Variants in ZMYM2 observed in about 807,000 individuals in gnomAD.
ZMYM2 encodes the protein zinc finger MYM-type containing 2.
ZMYM2 carries 56 observed loss-of-function variants against 162.8 expected under a neutral mutation model. The observed-to-expected ratio is 0.34, with a 90% confidence interval of 0.28 to 0.43. The LOEUF (loss-of-function observed/expected upper bound fraction) is 0.43, where lower values mean the gene tolerates loss of function less well. Ranked by LOEUF, ZMYM2 falls within the 20% of genes least tolerant of loss-of-function variation. The probability of loss-of-function intolerance (pLI) is 1.00; values close to 1 mark genes in which losing one functional copy is unlikely to be tolerated. For synonymous variants in ZMYM2, 510 were observed against 541.6 expected, an observed-to-expected ratio of 0.94 and a Z score of 0.81; for missense variants, 1,275 against 1,621.8, an observed-to-expected ratio of 0.79 and a Z score of 3.67.
rs1950654029 is a variant in ZMYM2, at chr13:20,005,249, T to C, written c.1299+10T>C. On this transcript the variant is annotated intron_variant, in intron 5 of 24. Coordinates refer to ENST00000610343, the MANE Select transcript of ZMYM2 (RefSeq NM_197968.4). ...TGGTAAACTAACTGAGGTTTGTATTTTTTTTCTTTATCATTTAATTCTAAC... is the reference window on the plus strand; with the variant it reads ...TGGTAAACTAACTGAGGTTTGTATTCTTTTTCTTTATCATTTAATTCTAAC... 1.3e-6 allele frequency: 2 copies of C among 1,508,150 alleles called. No individual in the cohort carries two copies. Among genetic ancestry groups the C allele is most frequent in the African/African-American group, 2.9e-5 (2 of 69,202 alleles). 93.4% of individuals were successfully genotyped at this position (1,508,150 alleles called of 1,614,324 possible). A position where few individuals can be genotyped will look rare whatever the true frequency, so the allele number is the denominator to read the frequency against.
At chr13:19,994,938 TCCTTC>T (rs1949907082) in intron 3 of ZMYM2, among the ~76,000 whole-genome samples, 1 of 151,466 alleles carries the variant, frequency 6.6e-6, no homozygotes, top group Non-Finnish European at 1.5e-5. Flanking sequence ...GCTCAGGTGA[TCCTTC>T]CATCGCAGCC....
In ZMYM2 at chr13:20,034,241, A is replaced by G; in HGVS notation, c.1969-13A>G. ...TCGTCATATACTTACCAAGGTTCCC[A>G]TTGTGCATTTAGAACAAAGTGCATC... On this transcript the variant is annotated splice_polypyrimidine_tract_variant and intron_variant, in intron 10 of 24. Transcript: ENST00000610343. The G allele has an allele frequency of 1.3e-6, 2 of 1,569,392 alleles. No homozygotes were observed. Among genetic ancestry groups the G allele is most frequent in the South Asian group, 2.4e-5 (2 of 82,444 alleles).
chr13:19,905,673 T>C, the ZMYM2 span, among the ~76,000 whole-genome samples: 1 of 152,206 alleles, frequency 6.6e-6, no homozygotes, highest in Non-Finnish European at 1.5e-5. Context: ...CAGTGGAGGT[T>C]CTCACCCATG....
At chr13:19,988,133 G>A (rs1469399600) in intron 2 of ZMYM2, among the ~76,000 whole-genome samples, 1 of 152,034 alleles carries the variant, frequency 6.6e-6, no homozygotes, top group Admixed American at 6.6e-5. Flanking sequence ...AAAAAATTCT[G>A]TTTTCTTTTA....
At chr13:19,935,003 G>C in the ZMYM2 span, among the ~76,000 whole-genome samples, 1 of 152,136 alleles carries the variant, frequency 6.6e-6, no homozygotes, top group Non-Finnish European at 1.5e-5. Flanking sequence ...CTGATCTCAA[G>C]TGATCTGCCC....
chr13:19,907,579 G>A, the ZMYM2 span, among the ~76,000 whole-genome samples: 2 of 151,938 alleles, frequency 1.3e-5, no homozygotes, highest in African/African-American at 4.8e-5. Context: ...GGCCAACATG[G>A]TGAAACCCTG....
the ZMYM2 span, among the ~76,000 whole-genome samples, chr13:19,894,705 G>T: frequency 6.6e-6 from 1 of 151,990 alleles, no homozygotes; most frequent in Admixed American, 6.6e-5. Flanking sequence ...CAGAATGGTT[G>T]TATGGGTATT....
At chr13:20,003,207 CAG>C (rs1197638161) in intron 4 of ZMYM2, 72 bp downstream of exon 4, 10 of 1,488,490 alleles carry the variant, frequency 6.7e-6, no homozygotes, top group South Asian at 6.7e-5. Flanking sequence ...AAAAGTGAAA[CAG>C]ATTTGTAATA....
the ZMYM2 span, chr13:19,865,131 AG>A: frequency 1.3e-5 from 2 of 152,266 alleles, no homozygotes; most frequent in African/African-American, 4.8e-5. Context: ...CATCTAATGC[AG>A]GGGTGGCCAA....
At position 20,066,911 on chromosome 13, in the gene ZMYM2, G is replaced by C; in HGVS notation, c.3193G>C (p.Glu1065Gln). 6.2e-7 allele frequency: 1 copy of C among 1,613,388 alleles called. No homozygotes were observed. The highest frequency in any genetic ancestry group is 1.1e-5 in the South Asian group (1 of 90,946). ...QSHDDSSDNS[E>Q]CSFPFKYTYG... ...TCATGATGATAGTTCTGACAATTCA[G>C]AATGCAGCTTTCCTTTCAAATATAC... Residue 1065 changes from glutamate (E) to glutamine (Q), a missense_variant, in exon 20 of 25, where the codon GAA (glutamate) becomes CAA (glutamine). Around this residue, in one of 10 missense-constraint regions of ZMYM2, gnomAD observed 229 missense variants for 283.8 expected, o/e 0.81. Coordinates refer to ENST00000610343, the MANE Select transcript of ZMYM2 (RefSeq NM_197968.4).
At chr13:20,017,001 T>G (rs745537661) in intron 6 of ZMYM2, among the ~76,000 whole-genome samples, 6 of 152,228 alleles carry the variant, frequency 3.9e-5, no homozygotes, top group Non-Finnish European at 8.8e-5. Flanking sequence ...CCCTTAGGCT[T>G]TTGCTTACTT....
rs1460585684 is a variant in ZMYM2, at chr13:20,051,615, G to T, written c.2458+17G>T. 1 of 1,600,870 alleles carries T rather than the reference G, an allele frequency of 6.2e-7. No individual in the cohort carries two copies. The highest frequency in any genetic ancestry group is 8.5e-7 in the Non-Finnish European group (1 of 1,174,068). ...TACATTATGGTATGTAATGATTTAGGTGATAACTTGAAAACCCTGTACATC... is the reference window on the plus strand; with the variant it reads ...TACATTATGGTATGTAATGATTTAGTTGATAACTTGAAAACCCTGTACATC... On this transcript the variant is annotated intron_variant, in intron 13 of 24. Transcript: ENST00000610343.
At chr13:20,009,618 C>T (rs765925075) in intron 6 of ZMYM2, among the ~76,000 whole-genome samples, 3 of 152,026 alleles carry the variant, frequency 2.0e-5, no homozygotes, top group Non-Finnish European at 2.9e-5. Flanking sequence ...TCTATGAATT[C>T]GTATATTCTA....
rs1344256132 is a variant in ZMYM2 at position 20,088,738 on chromosome 13, A to G, written c.*2724A>G. The G allele has an allele frequency of 5.1e-6, 1 of 195,818 alleles. No individual in the cohort carries two copies. Among genetic ancestry groups the G allele is most frequent in the Non-Finnish European group, 1.1e-5 (1 of 94,228 alleles). The allele number at this position is 195,818 out of a possible 1,614,324, so 12.1% of individuals were successfully genotyped here. A position where few individuals can be genotyped will look rare whatever the true frequency, so the allele number is the denominator to read the frequency against. On this transcript the variant is annotated 3_prime_UTR_variant, in exon 25 of 25. Transcript: ENST00000610343. ...GAAGTAGGAGGAGGATGCATATTGT[A>G]CTATGCATTCAAATTTATCACTGTT...
At chr13:19,931,340 G>A in the ZMYM2 span, among the ~76,000 whole-genome samples, 28 of 151,522 alleles carry the variant, frequency 1.8e-4, no homozygotes, top group South Asian at 6.2e-4. Flanking sequence ...GCTAACTATT[G>A]TTCATATAGA....
At chr13:20,018,493 C>T (rs567534404) in intron 6 of ZMYM2, among the ~76,000 whole-genome samples, 5 of 152,124 alleles carry the variant, frequency 3.3e-5, no homozygotes, top group Non-Finnish European at 5.9e-5. Flanking sequence ...TTTCCTCTCA[C>T]CCCCTTTGTC....
chr13:19,940,457 T>C, the ZMYM2 span, among the ~76,000 whole-genome samples: 3 of 152,224 alleles, frequency 2.0e-5, no homozygotes, highest in Non-Finnish European at 4.4e-5. Context: ...TTTACTACAC[T>C]ACAAATTGGT....
chr13:19,916,089 C>T, the ZMYM2 span, among the ~76,000 whole-genome samples: 2 of 151,922 alleles, frequency 1.3e-5, no homozygotes, highest in Non-Finnish European at 2.9e-5. Context: ...TCTCTATCTC[C>T]TGACCTCATG....
chr13:19,903,293 C>T, the ZMYM2 span, among the ~76,000 whole-genome samples: 1 of 151,898 alleles, frequency 6.6e-6, no homozygotes, highest in Non-Finnish European at 1.5e-5. Context: ...TGCAACACTG[C>T]ACTCCAGCCT....
Sources: gnomAD v4.1 joint callset for allele counts (sites outside exome capture counted in the v4.1 genomes callset) on GRCh38, gnomAD v4.1.1 for gene constraint, gnomAD v4.1.1 regional missense constraint, MANE v1.5 for transcripts, NCBI Gene and HGNC (gene_info 2026-07-23, HGNC 2026-07-21) for gene names.